The following GUCY1A1 variants were observed in gnomAD, a reference collection of about 807,000 sequenced individuals.
The protein encoded by GUCY1A1 is guanylate cyclase soluble subunit alpha-1.
In GUCY1A1, 48 loss-of-function variants were observed where a neutral mutation model predicts 64.5. The observed-to-expected ratio is 0.74, with a 90% confidence interval of 0.59 to 0.95. The LOEUF (loss-of-function observed/expected upper bound fraction) is 0.95, where lower values mean the gene tolerates loss of function less well. Among genes scored for constraint, GUCY1A1 ranks in the 40% least tolerant of loss-of-function variants. GUCY1A1 has a pLI of 0.00. For synonymous variants in GUCY1A1, 308 were observed against 303.4 expected (o/e 1.02, Z -0.16); for missense variants, 804 against 825.3 (o/e 0.97, Z 0.32).
chr4:155,705,356 C>G (rs974083452), intron 4 of GUCY1A1, among the ~76,000 whole-genome samples: 4 of 151,940 alleles, frequency 2.6e-5, no homozygotes, highest in African/African-American at 9.7e-5. Flanking sequence ...CGAGACCAGA[C>G]TGGCCAACAT....
intron 2 of GUCY1A1, among the ~76,000 whole-genome samples, chr4:155,677,496 C>T (rs968931341): frequency 3.9e-5 from 6 of 152,062 alleles, no homozygotes; most frequent in African/African-American, 9.7e-5. Flanking sequence ...ATAGTGCAGC[C>T]GTGGATTGAA....
chr4:155,699,863 G>A, intron 3 of GUCY1A1, among the ~76,000 whole-genome samples: 1 of 152,036 alleles, frequency 6.6e-6, no homozygotes. Context: ...TAGTGAACAG[G>A]CAAGTATAAA....
chr4:155,710,949 A>C lies in GUCY1A1; in HGVS notation c.784A>C (p.Thr262Pro). ...GTTGTACTCCGTTCACATGAAAAGC[A>C]CCAAGCCATCCCTGTCCCCCAGCAA... ...YLLYSVHMKS[T>P]KPSLSPSKPQ... Residue 262 changes from threonine to proline, a missense_variant, in exon 6 of 10, where the codon ACC becomes CCC. By Grantham distance (38) the Thr-to-Pro change is conservative. Coordinates refer to ENST00000506455, the MANE Select transcript of GUCY1A1 (RefSeq NM_001130682.3). 1 of 1,613,652 alleles carries C rather than the reference A, an allele frequency of 6.2e-7. No individual in the cohort carries two copies. The highest frequency in any genetic ancestry group is 2.2e-5 in the East Asian group (1 of 44,866).
chr4:155,719,801 C>T (rs1016933788), intron 8 of GUCY1A1, among the ~76,000 whole-genome samples: 3 of 152,082 alleles, frequency 2.0e-5, no homozygotes, highest in South Asian at 4.1e-4. Context: ...CCCCTCCTTT[C>T]CTAAGCCTAG....
At chr4:155,700,694 A>T (rs938242637) in intron 3 of GUCY1A1, among the ~76,000 whole-genome samples, 1 of 152,210 alleles carries the variant, frequency 6.6e-6, no homozygotes, top group East Asian at 1.9e-4. Context: ...TCTGTGAATC[A>T]GAAAGTCCAC....
intron 3 of GUCY1A1, among the ~76,000 whole-genome samples, chr4:155,703,108 TATTA>T (rs1266304843): frequency 1.3e-5 from 2 of 152,176 alleles, no homozygotes; most frequent in East Asian, 1.9e-4. Context: ...TCCACTTATT[TATTA>T]GAGACAATCA....
At chr4:155,716,921 C>G (rs3796587) in intron 7 of GUCY1A1, among the ~76,000 whole-genome samples, 24,933 of 152,030 alleles carry the variant, frequency 0.16, 2,245 homozygotes, top group East Asian at 0.21. Context: ...TAGAAGTCAA[C>G]TGTTACTGTG....
rs1453270903 is a variant in GUCY1A1, at chr4:155,734,529, C to A, written c.*4298C>A. On this transcript the variant is annotated 3_prime_UTR_variant, in exon 10 of 10. Transcript: ENST00000506455. ...ACAGTAAAACATGGATCATTTATTT[C>A]ACCTCATTTTGCACTTCAATGCAAT... 6.6e-6 allele frequency: 1 copy of A among 151,856 alleles called. No individual in the cohort carries two copies. The highest frequency in any genetic ancestry group is 2.1e-4 in the South Asian group (1 of 4,814). The allele number at this position is 151,856 out of a possible 1,614,324, so 9.4% of individuals were successfully genotyped here.
At chr4:155,690,479 A>G (rs1022048872) in intron 2 of GUCY1A1, among the ~76,000 whole-genome samples, 5 of 152,196 alleles carry the variant, frequency 3.3e-5, no homozygotes, top group South Asian at 4.1e-4. Context: ...TTAGTTATTT[A>G]GTTGATTGCC....
intron 7 of GUCY1A1, among the ~76,000 whole-genome samples, chr4:155,714,625 T>C (rs1372179449): frequency 6.6e-6 from 1 of 152,178 alleles, no homozygotes; most frequent in Non-Finnish European, 1.5e-5. Flanking sequence ...CACATAACAA[T>C]CTGACATTTC....
intron 7 of GUCY1A1, 136 bp from the exon 8 acceptor site, chr4:155,717,023 G>T: frequency 1.8e-6 from 1 of 559,032 alleles, no homozygotes; most frequent in South Asian, 4.8e-5. Context: ...ATTTCTGGGC[G>T]TATCTGATTA....
chr4:155,685,593 T>G (rs755237381), intron 2 of GUCY1A1, among the ~76,000 whole-genome samples: 57 of 146,082 alleles, frequency 3.9e-4, no homozygotes, highest in Non-Finnish European at 7.9e-4. Context: ...TCTGTTCTTG[T>G]TCTCCTTGTG....
intron 9 of GUCY1A1, among the ~76,000 whole-genome samples, chr4:155,729,232 A>G (rs1174487459): frequency 6.6e-6 from 1 of 151,798 alleles, no homozygotes; most frequent in African/African-American, 2.4e-5. Context: ...GCCATGCAAC[A>G]TTTTTCATCT....
rs760370031 is a variant in GUCY1A1, at chr4:155,722,213, C to G, written c.1871+21C>G. 5 of 1,601,594 alleles carry G rather than the reference C, an allele frequency of 3.1e-6. No homozygotes were observed. The Admixed American group carries it at 5.1e-5, about 16-fold the overall frequency. On this transcript the variant is annotated intron_variant, in intron 9 of 9. Coordinates refer to ENST00000506455, the MANE Select transcript of GUCY1A1 (RefSeq NM_001130682.3). ...TACAGGTAGTAATTATGTTAAACAC[C>G]TAAAATCTCTTGTTTTTATTTATAT...
At position 155,673,479 on chromosome 4, in the gene GUCY1A1, C is replaced by G. The variant is rs148792888; in HGVS notation, c.-113+6060C>G. ...TGATGGAAATATTGAGTAAGGCTTT[C>G]CAGAGGAAATCTAAGACTTAGCTGA... On this transcript the variant is annotated intron_variant, in intron 2 of 9. Transcript: ENST00000506455. Among the ~76,000 whole-genome samples, 234 of 151,576 alleles carry G rather than the reference C, an allele frequency of 1.5e-3. 10 individuals carry two copies. The highest frequency in any genetic ancestry group is 5.4e-3 in the African/African-American group (220 of 40,892).
chr4:155,730,227 A>G lies in GUCY1A1; in HGVS notation c.2069A>G (p.Asp690Gly). The G allele has an allele frequency of 6.3e-7, 1 of 1,583,392 alleles. No individual in the cohort carries two copies. Among genetic ancestry groups the G allele is most frequent in the Non-Finnish European group, 8.7e-7 (1 of 1,152,720 alleles). The stretch of plus-strand genomic sequence containing the variant: ...TTTTTAGGCAAAGCATCAGGAATAG[A>G]TTAGCAACCTATATACCTATTTATA... ...ANFLGKASGI[D>G] Residue 690 changes from aspartate (D) to glycine (G), a missense_variant, in exon 10 of 10, where the codon GAT becomes GGT. Physicochemically the swap from Asp to Gly is moderately conservative, Grantham distance 94. Transcript: ENST00000506455.
rs1386728277 is a variant in GUCY1A1, at chr4:155,713,129, T to A, written c.1118T>A (p.Ile373Asn). ...GACCTCAAAGGCCAAATGATCTACATTGTTGAATCCAGTGCAATCTTGTTT... is the reference window on the plus strand; with the variant it reads ...GACCTCAAAGGCCAAATGATCTACAATGTTGAATCCAGTGCAATCTTGTTT... ...VMDLKGQMIY[I>N]VESSAILFLG... is the part of the protein sequence containing the mutation. The change falls in exon 7 of 10, where the codon ATT becomes AAT. Residue 373 changes from isoleucine (I) to asparagine (N), a missense_variant. By Grantham distance (149) the Ile-to-Asn change is moderately radical (BLOSUM62 -3). Coordinates refer to ENST00000506455, the MANE Select transcript of GUCY1A1 (RefSeq NM_001130682.3). 1 of 1,613,122 alleles carries A rather than the reference T, an allele frequency of 6.2e-7. No individual in the cohort carries two copies. The highest frequency in any genetic ancestry group is 1.1e-5 in the South Asian group (1 of 91,010).
chr4:155,683,227 AC>A (rs1560918792), intron 2 of GUCY1A1, among the ~76,000 whole-genome samples: 1 of 152,206 alleles, frequency 6.6e-6, no homozygotes, highest in African/African-American at 2.4e-5. Context: ...TTGAAAAACA[AC>A]ACTAATAATA....
chr4:155,670,475 G>A (rs921904384), intron 2 of GUCY1A1, among the ~76,000 whole-genome samples: 1 of 152,120 alleles, frequency 6.6e-6, no homozygotes, highest in African/African-American at 2.4e-5. Context: ...ATTTTGAAAT[G>A]TCTTACCTAT....
Sources: gnomAD v4.1 joint callset for allele counts (sites outside exome capture counted in the v4.1 genomes callset) on GRCh38, gnomAD v4.1.1 for gene constraint, MANE v1.5 for transcripts, NCBI Gene and HGNC (gene_info 2026-07-23, HGNC 2026-07-21) for gene names.